The following CCT6B variants were observed in gnomAD, a reference collection of about 807,000 sequenced individuals.
CCT6B encodes the protein chaperonin containing TCP1 subunit 6B, also known as probable T-complex protein 1 subunit zeta-2.
Under a neutral mutation model 61.5 loss-of-function variants are expected in CCT6B, and 49 were observed. The ratio of observed to expected loss-of-function variants is 0.80; its 90% CI spans 0.63 to 1.01. The LOEUF (loss-of-function observed/expected upper bound fraction) is 1.01, where lower values mean the gene tolerates loss of function less well. CCT6B is among the 50% of genes least tolerant of loss of function. The probability of loss-of-function intolerance (pLI) is 0.00; values close to 1 mark genes in which losing one functional copy is unlikely to be tolerated. For synonymous variants in CCT6B, 228 were observed against 214.5 expected (o/e 1.06, Z -0.55); for missense variants, 666 against 634.7 (o/e 1.05, Z -0.53).
At chr17:34,959,292 T>C (rs972972716) in intron 2 of CCT6B, among the ~76,000 whole-genome samples, 7 of 126,842 alleles carry the variant, frequency 5.5e-5, no homozygotes, top group Non-Finnish European at 1.2e-4. Context: ...CTGAGCAAAA[T>C]TTTTTTTTTT....
intron 6 of CCT6B, 59 bp from the exon 7 acceptor site, chr17:34,942,702 A>T: frequency 6.7e-7 from 1 of 1,492,978 alleles, no homozygotes; most frequent in South Asian, 1.2e-5. Context: ...AAAAGATAGA[A>T]GTAGTCTACA....
intron 5 of CCT6B, 184 bp from the exon 6 acceptor site, chr17:34,943,090 C>T: frequency 2.0e-6 from 1 of 488,324 alleles, no homozygotes; most frequent in Non-Finnish European, 3.6e-6. Flanking sequence ...CTATGATGTC[C>T]AGGCTGGCCA....
intron 10 of CCT6B, among the ~76,000 whole-genome samples, chr17:34,935,900 C>T (rs1423490092): frequency 1.3e-5 from 2 of 151,604 alleles, no homozygotes; most frequent in African/African-American, 2.4e-5. Flanking sequence ...AATAGATGCA[C>T]AAGAAGCATT....
intron 6 of CCT6B, 69 bp downstream of exon 6, chr17:34,942,727 G>A (rs2090179383): frequency 4.0e-6 from 6 of 1,484,254 alleles, no homozygotes; most frequent in Non-Finnish European, 5.5e-6. Flanking sequence ...ACATCTGGAA[G>A]GAAAAAGAGA....
In CCT6B at chr17:34,961,333, C is replaced by A; in HGVS notation, c.61G>T (p.Ala21Ser). The A allele has an allele frequency of 6.2e-7, 1 of 1,612,972 alleles. No individual in the cohort carries two copies. Among genetic ancestry groups the A allele is most frequent in the Non-Finnish European group, 8.5e-7 (1 of 1,179,982 alleles). The stretch of plus-strand genomic sequence containing the variant: ...CCTCGGGCGGCGCATATATTGACAG[C>A]CAAAGCTGCCCGGGCCCGCGCCACC... ...AEVARARAAL[A>S]VNICAARGLQ... Residue 21 changes from alanine to serine, a missense_variant, in exon 1 of 14, where the codon GCT becomes TCT. Ala to Ser is a moderately conservative substitution (Grantham distance 99). Coordinates refer to ENST00000314144, the MANE Select transcript of CCT6B (RefSeq NM_006584.4).
intron 4 of CCT6B, among the ~76,000 whole-genome samples, 169 bp from the exon 5 acceptor site, chr17:34,952,222 A>G (rs2090300006): frequency 6.6e-6 from 1 of 152,256 alleles, no homozygotes; most frequent in African/African-American, 2.4e-5. Flanking sequence ...AGCCAATGCC[A>G]ACAGACACTT....
chr17:34,952,002 G>GATC lies in CCT6B; in HGVS notation c.559_561dup (p.Asp187dup). 1 of 1,610,032 alleles carries GATC rather than the reference G, an allele frequency of 6.2e-7. No homozygotes were observed. The highest frequency in any genetic ancestry group is 1.1e-5 in the South Asian group (1 of 90,570). ...ATCTCCATTATTTCTACCATGAAGAGATCAATAGGGTAACCTGGTCTTCTA... is the reference window on the plus strand; with the variant it reads ...ATCTCCATTATTTCTACCATGAAGAGATCATCAATAGGGTAACCTGGTCTTCTA... On this transcript the variant is annotated inframe_insertion, in exon 5 of 14. Transcript: ENST00000314144.
intron 10 of CCT6B, among the ~76,000 whole-genome samples, chr17:34,934,882 G>A (rs1429925865): frequency 6.6e-6 from 1 of 152,006 alleles, no homozygotes; most frequent in East Asian, 1.9e-4. Flanking sequence ...AATATACACA[G>A]ACCAATACCC....
At chr17:34,935,339 A>AACCATTGT (rs2090081917) in intron 10 of CCT6B, among the ~76,000 whole-genome samples, 1 of 152,218 alleles carries the variant, frequency 6.6e-6, no homozygotes, top group Non-Finnish European at 1.5e-5. Flanking sequence ...GATAATGGTT[A>AACCATTGT]GACAACATTG....
chr17:34,946,308 A>C (rs1412859138), intron 5 of CCT6B, among the ~76,000 whole-genome samples: 1 of 152,248 alleles, frequency 6.6e-6, no homozygotes, highest in African/African-American at 2.4e-5. Context: ...AACACAAAGC[A>C]TGATGAGTGA....
intron 1 of CCT6B, among the ~76,000 whole-genome samples, chr17:34,960,534 G>A (rs2090400654): frequency 6.6e-6 from 1 of 152,060 alleles, no homozygotes; most frequent in Non-Finnish European, 1.5e-5. Flanking sequence ...ATAATTATAT[G>A]CATCTATATA....
chr17:34,954,718 T>G (rs1356813585), intron 3 of CCT6B, 119 bp from the exon 4 acceptor site: 4 of 717,392 alleles, frequency 5.6e-6, no homozygotes, highest in Non-Finnish European at 8.8e-6. Context: ...GAAATATAAG[T>G]GTACATAATT....
chr17:34,948,319 G>A (rs1181069628), intron 5 of CCT6B, among the ~76,000 whole-genome samples: 1 of 152,108 alleles, frequency 6.6e-6, no homozygotes, highest in Admixed American at 6.5e-5. Flanking sequence ...AAGAGTATCA[G>A]ATTTAATATT....
intron 3 of CCT6B, among the ~76,000 whole-genome samples, chr17:34,956,484 C>A (rs2090349023): frequency 6.6e-6 from 1 of 152,150 alleles, no homozygotes; most frequent in Non-Finnish European, 1.5e-5. Context: ...CACTGCACCA[C>A]CACAGAGTTT....
At chr17:34,953,859 T>G (rs1020908873) in intron 4 of CCT6B, among the ~76,000 whole-genome samples, 3 of 151,992 alleles carry the variant, frequency 2.0e-5, no homozygotes, top group Non-Finnish European at 4.4e-5. Context: ...GAGGCTGATG[T>G]AGGAGAATCG....
At chr17:34,946,287 T>C (rs1415272390) in intron 5 of CCT6B, among the ~76,000 whole-genome samples, 1 of 152,162 alleles carries the variant, frequency 6.6e-6, no homozygotes, top group African/African-American at 2.4e-5. Context: ...GCACAATGAA[T>C]GGCACATATG....
At chr17:34,935,084 G>A (rs1481703258) in intron 10 of CCT6B, among the ~76,000 whole-genome samples, 1 of 152,140 alleles carries the variant, frequency 6.6e-6, no homozygotes, top group Non-Finnish European at 1.5e-5. Flanking sequence ...AAAAAGGAAG[G>A]AAATTCTGGC....
chr17:34,959,698 C>G (rs1216059514), intron 1 of CCT6B, 48 bp from the exon 2 acceptor site: 2 of 1,290,334 alleles, frequency 1.5e-6, no homozygotes, highest in African/African-American at 2.9e-5. Flanking sequence ...GAAGACATTC[C>G]CAGTGCTTGC....
chr17:34,941,660 T>A lies in CCT6B; in HGVS notation c.885+824A>T, dbSNP rs540948855. Among the ~76,000 whole-genome samples, 16 of 152,338 alleles carry A rather than the reference T, an allele frequency of 1.1e-4. No homozygotes were observed. The South Asian group carries it at 3.3e-3, about 32-fold the overall frequency. ...CCACAGTTTGTCTGTCAGTCATTCT[T>A]CCAGGTAAAAGTGGCATTCCATGAA... is the stretch of plus-strand genomic sequence containing the variant. On this transcript the variant is annotated intron_variant, in intron 7 of 13. Coordinates refer to ENST00000314144, the MANE Select transcript of CCT6B (RefSeq NM_006584.4).
Sources: allele counts gnomAD v4.1 joint callset (sites outside exome capture counted in the v4.1 genomes callset), GRCh38; gene constraint gnomAD v4.1.1; transcripts MANE v1.5; gene names NCBI Gene and HGNC (gene_info 2026-07-23, HGNC 2026-07-21).